FUBP1: variants seen among roughly 807,000 people sequenced by gnomAD.
FUBP1 encodes the protein far upstream element binding protein 1.
FUBP1 carries 16 observed loss-of-function variants against 94.9 expected under a neutral mutation model. That is an observed-to-expected ratio of 0.17 (90% confidence interval 0.11 to 0.26). FUBP1 has a LOEUF of 0.26. Ranked by LOEUF, FUBP1 falls within the 10% of genes least tolerant of loss-of-function variation. The pLI, the probability that FUBP1 is intolerant of heterozygous loss-of-function variation, is 1.00. For synonymous variants in FUBP1, 279 were observed against 254.9 expected (o/e 1.09, Z -0.90); for missense variants, 583 against 808.6 (o/e 0.72, Z 3.38).
rs147316206 is a variant in FUBP1, at chr1:77,974,847, A to C, written c.120+4038T>G. On this transcript the variant is annotated intron_variant, in intron 1 of 19. Transcript: ENST00000370768. The stretch of plus-strand genomic sequence containing the variant: ...CTTAATTAACTTCTGAGACTCAGAA[A>C]ATCTCTAAAATCAGGTGGTATGATC... Among the ~76,000 whole-genome samples, 768 of 152,318 alleles carry C rather than the reference A, an allele frequency of 5.0e-3. 7 individuals carry two copies. Among genetic ancestry groups the C allele is most frequent in the African/African-American group, 0.017 (721 of 41,576 alleles).
At chr1:77,959,258 A>C (rs1336502594) in intron 16 of FUBP1, among the ~76,000 whole-genome samples, 2 of 152,186 alleles carry the variant, frequency 1.3e-5, no homozygotes, top group Non-Finnish European at 2.9e-5. Context: ...ATAAATGTTA[A>C]TTGGTTTCAA....
At chr1:77,959,794 G>T (rs1423634471) in intron 16 of FUBP1, among the ~76,000 whole-genome samples, 2 of 152,178 alleles carry the variant, frequency 1.3e-5, no homozygotes, top group Non-Finnish European at 2.9e-5. Flanking sequence ...GATTACAGAC[G>T]TGAGCCTCAG....
intron 2 of FUBP1, among the ~76,000 whole-genome samples, chr1:77,969,359 A>T (rs1176018408): frequency 6.6e-6 from 1 of 152,148 alleles, no homozygotes; most frequent in Non-Finnish European, 1.5e-5. Flanking sequence ...TTCAACGATT[A>T]CGATTTTTAA....
chr1:77,971,197 T>C (rs1657470963), intron 1 of FUBP1, among the ~76,000 whole-genome samples: 2 of 152,272 alleles, frequency 1.3e-5, no homozygotes, highest in South Asian at 4.1e-4. Flanking sequence ...CATTGCTGAG[T>C]GGTCAGCAAT....
In FUBP1 at chr1:77,947,621, A is replaced by G; in HGVS notation, c.*1145T>C. The stretch of plus-strand genomic sequence containing the variant: ...TAATATATTAATATGCAAAGAGCCA[A>G]CAAATATGCAAAGAGTAAAACAATG... On this transcript the variant is annotated 3_prime_UTR_variant, in exon 20 of 20. Transcript: ENST00000370768. The G allele has an allele frequency of 1.1e-6, 1 of 935,566 alleles. No homozygotes were observed. The highest frequency in any genetic ancestry group is 1.5e-6 in the Non-Finnish European group (1 of 646,388). 58.0% of individuals were successfully genotyped at this position (935,566 alleles called of 1,614,324 possible).
At chr1:77,975,022 T>C (rs1658336749) in intron 1 of FUBP1, among the ~76,000 whole-genome samples, 1 of 152,242 alleles carries the variant, frequency 6.6e-6, no homozygotes, top group Non-Finnish European at 1.5e-5. Flanking sequence ...CATCTCTAAA[T>C]TACTTATAAT....
At chr1:77,971,918 C>T (rs1487172198) in intron 1 of FUBP1, among the ~76,000 whole-genome samples, 1 of 149,166 alleles carries the variant, frequency 6.7e-6, no homozygotes, top group African/African-American at 2.5e-5. Context: ...GGTGGGAGAA[C>T]TGCTTGAACC....
Position 77,948,710 on chromosome 1 carries a change from A to T in FUBP1, c.*56T>A. 6.3e-7 allele frequency: 1 copy of T among 1,588,626 alleles called. No homozygotes were observed. The highest frequency in any genetic ancestry group is 1.2e-5 in the South Asian group (1 of 84,740). ...TCAAGTCGTCTGCATCCATATATTTAACAAAGGTTTTTTTCCCCCACACAA... is the reference window on the plus strand; with the variant it reads ...TCAAGTCGTCTGCATCCATATATTTTACAAAGGTTTTTTTCCCCCACACAA... On this transcript the variant is annotated 3_prime_UTR_variant, in exon 20 of 20. Coordinates refer to ENST00000370768, the MANE Select transcript of FUBP1 (RefSeq NM_003902.5).
In FUBP1 at chr1:77,978,925, ACTC is replaced by A; in HGVS notation, c.77_79del (p.Gly26del). 3 of 1,613,280 alleles carry A rather than the reference ACTC, an allele frequency of 1.9e-6. No homozygotes were observed. Among genetic ancestry groups the A allele is most frequent in the Admixed American group, 1.7e-5 (1 of 59,946 alleles). ...CAGTGCATCTTTGAAAGCGTCGTTAACTCCTCCACCACCACCGCCGCCACCACC... is the reference window on the plus strand; with the variant it reads ...CAGTGCATCTTTGAAAGCGTCGTTAACTCCACCACCACCGCCGCCACCACC... On this transcript the variant is annotated inframe_deletion, in exon 1 of 20. Coordinates refer to ENST00000370768, the MANE Select transcript of FUBP1 (RefSeq NM_003902.5).
At chr1:77,968,877 T>C in intron 2 of FUBP1, 1 of 344,130 alleles carries the variant, frequency 2.9e-6, no homozygotes, top group Admixed American at 3.8e-5. Context: ...CCTTCAAACT[T>C]AAATGATTAA....
At chr1:77,965,008 A>T in intron 8 of FUBP1, 40 bp from the exon 9 acceptor site, 1 of 1,591,928 alleles carries the variant, frequency 6.3e-7, no homozygotes, top group African/African-American at 1.3e-5. Context: ...AACAAAAGGA[A>T]GTGGACAAAA....
Position 77,945,987 on chromosome 1 carries a change from T to C in FUBP1, c.*2779A>G, listed in dbSNP as rs1046359515. On this transcript the variant is annotated 3_prime_UTR_variant, in exon 20 of 20. Coordinates refer to ENST00000370768, the MANE Select transcript of FUBP1 (RefSeq NM_003902.5). The stretch of plus-strand genomic sequence containing the variant: ...TCAAAACATACTGCCTTATAACTTT[T>C]TCCTTCTTCAGCATATAACTTTTGT... 1.5e-5 allele frequency: 3 copies of C among 202,278 alleles called. No individual in the cohort carries two copies. Among genetic ancestry groups the C allele is most frequent in the East Asian group, 7.6e-5 (1 of 13,138 alleles). 12.5% of individuals were successfully genotyped at this position (202,278 alleles called of 1,614,324 possible).
Position 77,948,560 on chromosome 1 carries a change from C to G in FUBP1, c.*206G>C. 7.7e-7 allele frequency: 1 copy of G among 1,294,472 alleles called. No individual in the cohort carries two copies. Among genetic ancestry groups the G allele is most frequent in the African/African-American group, 1.6e-5 (1 of 63,238 alleles). The allele number at this position is 1,294,472 out of a possible 1,614,324, so 80.2% of individuals were successfully genotyped here. ...TCTACACTAAATACTAAAAACAAAC[C>G]AATTTTCATTTCTACACAGAAATAT... On this transcript the variant is annotated 3_prime_UTR_variant, in exon 20 of 20. Coordinates refer to ENST00000370768, the MANE Select transcript of FUBP1 (RefSeq NM_003902.5).
At chr1:77,978,858 G>C in intron 1 of FUBP1, 27 bp downstream of exon 1, 1 of 1,613,438 alleles carries the variant, frequency 6.2e-7, no homozygotes, top group African/African-American at 1.3e-5. Flanking sequence ...TGAGCTTTCG[G>C]GATTCCGCCG....
intron 3 of FUBP1, among the ~76,000 whole-genome samples, 181 bp from the exon 4 acceptor site, chr1:77,967,847 T>C (rs17383213): frequency 0.09 from 13,714 of 152,120 alleles, 820 homozygotes; most frequent in Admixed American, 0.18. Flanking sequence ...AGAGAGCCAA[T>C]GAAAGGGAAG....
rs893630199 is a variant in FUBP1, at chr1:77,946,990, A to G, written c.*1776T>C. The G allele has an allele frequency of 4.8e-6, 1 of 207,806 alleles. No homozygotes were observed. 12.9% of individuals were successfully genotyped at this position (207,806 alleles called of 1,614,324 possible). On this transcript the variant is annotated 3_prime_UTR_variant, in exon 20 of 20. Coordinates refer to ENST00000370768, the MANE Select transcript of FUBP1 (RefSeq NM_003902.5). ...TTTATGTCCTTGTACCTCTTCCTTT[A>G]AAGTATATTCAAAACAACAAATGGT... is the stretch of plus-strand genomic sequence containing the variant.
chr1:77,978,757 G>T, intron 1 of FUBP1, 128 bp downstream of exon 1: 2 of 1,167,392 alleles, frequency 1.7e-6, no homozygotes, highest in Non-Finnish European at 1.3e-6. Context: ...GGGGAAACGT[G>T]TCTCTTCACA....
At chr1:77,973,049 G>A (rs1276699973) in intron 1 of FUBP1, among the ~76,000 whole-genome samples, 1 of 150,414 alleles carries the variant, frequency 6.6e-6, no homozygotes, top group Non-Finnish European at 1.5e-5. Flanking sequence ...AAAATGAACT[G>A]TAGATTTGAT....
chr1:77,978,397 G>A (rs1472359183), intron 1 of FUBP1, among the ~76,000 whole-genome samples: 1 of 152,240 alleles, frequency 6.6e-6, no homozygotes, highest in African/African-American at 2.4e-5. Context: ...CCTTGTAGAG[G>A]TGTGACGGTG....
Sources: gnomAD v4.1 joint callset for allele counts (sites outside exome capture counted in the v4.1 genomes callset) on GRCh38, gnomAD v4.1.1 for gene constraint, MANE v1.5 for transcripts, NCBI Gene and HGNC (gene_info 2026-07-23, HGNC 2026-07-21) for gene names.